Variants in SESN3 observed in about 807,000 individuals in gnomAD.
The protein encoded by SESN3 is sestrin-3.
In SESN3, 21 loss-of-function variants were observed where a neutral mutation model predicts 55.3. That is an observed-to-expected ratio of 0.38 (90% CI 0.27 to 0.55). SESN3 has a LOEUF of 0.55. Ranked by LOEUF, SESN3 falls within the 20% of genes least tolerant of loss-of-function variation. SESN3 has a pLI of 0.76. For synonymous variants in SESN3, 181 were observed against 203.1 expected (o/e 0.89, Z 0.93); for missense variants, 408 against 604.3 (o/e 0.68, Z 3.41).
In SESN3 at chr11:95,217,511, G is replaced by A. The variant is rs533456184; in HGVS notation, c.78+13272C>T. 2.6e-5 allele frequency among the ~76,000 whole-genome samples: 4 copies of A among 152,098 alleles called. No individual in the cohort carries two copies. In the South Asian group the frequency reaches 8.3e-4, roughly 32 times the overall value. On this transcript the variant is annotated intron_variant, in intron 1 of 9. Coordinates refer to ENST00000536441, the MANE Select transcript of SESN3 (RefSeq NM_144665.4). The stretch of plus-strand genomic sequence containing the variant: ...TACTAAAAATACAAAAATTAGCCGG[G>A]CACGGTGGTGGGCACCTGTAATCCC...
intron 6 of SESN3, among the ~76,000 whole-genome samples, chr11:95,179,359 T>C (rs945659444): frequency 5.3e-5 from 8 of 152,170 alleles, no homozygotes; most frequent in African/African-American, 1.9e-4. Context: ...TTTTGCCATA[T>C]TGGCCAGGCT....
chr11:95,193,616 GAATA>G, intron 1 of SESN3, 94 bp from the exon 2 acceptor site: 1 of 721,788 alleles, frequency 1.4e-6, no homozygotes, highest in Non-Finnish European at 2.4e-6. Flanking sequence ...AAAATAAAGA[GAATA>G]AATAATTAAA....
At chr11:95,177,989 A>G (rs1859990089) in intron 7 of SESN3, 80 bp from the exon 8 acceptor site, 2 of 976,844 alleles carry the variant, frequency 2.0e-6, no homozygotes, top group Non-Finnish European at 3.0e-6. Context: ...TAACTAATGA[A>G]GCAAGTAAGC....
chr11:95,227,942 T>G (rs976241977), intron 1 of SESN3, among the ~76,000 whole-genome samples: 13 of 152,200 alleles, frequency 8.5e-5, no homozygotes, highest in African/African-American at 3.1e-4. Context: ...CTGAACTACC[T>G]CATTGACAAT....
rs535749199 is a variant in SESN3 at position 95,169,669 on chromosome 11, T to C, written c.*3586A>G. The C allele has an allele frequency of 6.6e-6, 1 of 152,272 alleles. No individual in the cohort carries two copies. Among genetic ancestry groups the C allele is most frequent in the African/African-American group, 2.4e-5 (1 of 41,544 alleles). The allele number at this position is 152,272 out of a possible 1,614,324, so 9.4% of individuals were successfully genotyped here. ...AGTTCAAAAGAATCTTACCATCATA[T>C]AGGCATGCACCCTCCCTCCACTAAA... On this transcript the variant is annotated 3_prime_UTR_variant, in exon 10 of 10. Transcript: ENST00000536441.
At chr11:95,208,557 T>C (rs1860592172) in intron 1 of SESN3, among the ~76,000 whole-genome samples, 1 of 151,474 alleles carries the variant, frequency 6.6e-6, no homozygotes, top group Admixed American at 6.6e-5. Flanking sequence ...CTTCACAGAA[T>C]TGAAAGAAAC....
rs140591973 is a variant in SESN3, at chr11:95,174,254, G to C, written c.1393-913C>G. Among the ~76,000 whole-genome samples the C allele has an allele frequency of 1.4e-4, 21 of 152,226 alleles. No individual in the cohort carries two copies. In the East Asian group the frequency reaches 3.9e-3, roughly 28 times the overall value. On this transcript the variant is annotated intron_variant, in intron 9 of 9. Coordinates refer to ENST00000536441, the MANE Select transcript of SESN3 (RefSeq NM_144665.4). ...AAAGATTTTCTTACTTTCAAGCTTC[G>C]AAACTGTTGTATAAAGGAGATTCTT...
chr11:95,203,351 T>C (rs1860492249), intron 1 of SESN3, among the ~76,000 whole-genome samples: 1 of 152,198 alleles, frequency 6.6e-6, no homozygotes, highest in East Asian at 1.9e-4. Flanking sequence ...AGTACTTCTT[T>C]ACGCACTGAG....
At position 95,174,427 on chromosome 11, in the gene SESN3, C is replaced by A. The variant is rs73530826; in HGVS notation, c.1392+1071G>T. Among the ~76,000 whole-genome samples, 1,319 of 152,204 alleles carry A rather than the reference C, an allele frequency of 8.7e-3. 24 individuals carry two copies. The highest frequency in any genetic ancestry group is 0.03 in the African/African-American group (1,250 of 41,528). Reference sequence around the variant, plus strand: ...TATTTTTATGTAACAGTATATTTGGCTCAAAGGTCCTGAATTATACTGTCA... The same window carrying A: ...TATTTTTATGTAACAGTATATTTGGATCAAAGGTCCTGAATTATACTGTCA... On this transcript the variant is annotated intron_variant, in intron 9 of 9. Transcript: ENST00000536441.
At chr11:95,201,198 T>C (rs1041847382) in intron 1 of SESN3, 1 of 152,058 alleles carries the variant, frequency 6.6e-6, no homozygotes, top group African/African-American at 2.4e-5. Context: ...AAATTTTACT[T>C]GTTTTACTAA....
chr11:95,183,387 G>T (rs1298930545), intron 6 of SESN3, among the ~76,000 whole-genome samples: 1 of 151,984 alleles, frequency 6.6e-6, no homozygotes, highest in African/African-American at 2.4e-5. Context: ...AAGGGTTCTT[G>T]TTCTTCCTGG....
chr11:95,213,023 A>G (rs544158457), intron 1 of SESN3, among the ~76,000 whole-genome samples: 1 of 152,318 alleles, frequency 6.6e-6, no homozygotes, highest in South Asian at 2.1e-4. Flanking sequence ...AAAACAAAGG[A>G]CAATGAAGTA....
intron 1 of SESN3, among the ~76,000 whole-genome samples, chr11:95,197,421 T>G (rs1288542734): frequency 6.6e-6 from 1 of 151,342 alleles, no homozygotes; most frequent in African/African-American, 2.4e-5. Flanking sequence ...GCAACTCTCT[T>G]CTTTTTGGGC....
At chr11:95,182,154 A>G (rs1860069756) in intron 6 of SESN3, 1 of 324,072 alleles carries the variant, frequency 3.1e-6, no homozygotes, top group Non-Finnish European at 6.2e-6. Context: ...TCCAAAGTAT[A>G]TTTTTAATAT....
intron 1 of SESN3, among the ~76,000 whole-genome samples, chr11:95,223,114 T>G (rs192805635): frequency 1.3e-5 from 2 of 152,278 alleles, no homozygotes; most frequent in African/African-American, 4.8e-5. Context: ...TGCAGGTAGT[T>G]GCTGGCTGTC....
At chr11:95,225,685 G>A (rs912432151) in intron 1 of SESN3, among the ~76,000 whole-genome samples, 4 of 152,106 alleles carry the variant, frequency 2.6e-5, no homozygotes, top group African/African-American at 9.7e-5. Flanking sequence ...CCTAAAAACT[G>A]TGAAGGTCAA....
chr11:95,201,921 A>G (rs1204730659), intron 1 of SESN3, among the ~76,000 whole-genome samples: 3 of 152,038 alleles, frequency 2.0e-5, no homozygotes, highest in Non-Finnish European at 4.4e-5. Flanking sequence ...TGTGGAAATT[A>G]GATATATTTG....
rs1399395212 is a variant in SESN3, at chr11:95,173,284, G to A, written c.1450C>T (p.Leu484Phe). Residue 484 changes from leucine (L) to phenylalanine (F), a missense_variant, in exon 10 of 10, where the codon CTT becomes TTT. Coordinates refer to ENST00000536441, the MANE Select transcript of SESN3 (RefSeq NM_144665.4). Reference protein sequence around the residue: ...ARMQAELLYALRAITRHLT With the variant: ...ARMQAELLYAFRAITRHLT ...GTCAAATGCCGAGTTATGGCACGAA[G>A]AGCATAAAGAAGTTCAGCTTGCATT... is the stretch of plus-strand genomic sequence containing the variant. 2.5e-6 allele frequency: 4 copies of A among 1,582,884 alleles called. No individual in the cohort carries two copies. Among genetic ancestry groups the A allele is most frequent in the African/African-American group, 1.3e-5 (1 of 74,696 alleles).
At chr11:95,184,904 T>C (rs1371283884) in intron 5 of SESN3, among the ~76,000 whole-genome samples, 1 of 152,032 alleles carries the variant, frequency 6.6e-6, no homozygotes, top group African/African-American at 2.4e-5. Flanking sequence ...GCACAATTGT[T>C]TTACTTTTTG....
Sources: gnomAD v4.1 joint callset for allele counts (sites outside exome capture counted in the v4.1 genomes callset) on GRCh38, gnomAD v4.1.1 for gene constraint, MANE v1.5 for transcripts, NCBI Gene and HGNC (gene_info 2026-07-23, HGNC 2026-07-21) for gene names.